The following EIF4H variants were observed in gnomAD, a reference collection of about 807,000 sequenced individuals.
EIF4H encodes the protein eukaryotic translation initiation factor 4H, also known as Williams-Beuren syndrome chromosome region 1.
Under a neutral mutation model 30.6 loss-of-function variants are expected in EIF4H, and 8 were observed. The observed-to-expected ratio is 0.26, with a 90% CI of 0.15 to 0.47. EIF4H has a LOEUF of 0.47. EIF4H is among the 20% of genes least tolerant of loss of function. EIF4H has a pLI of 0.99. For missense variants in EIF4H, 188 were observed against 339.5 expected, an observed-to-expected ratio of 0.55 and a Z score of 3.51; for synonymous variants, 106 against 122.7, an observed-to-expected ratio of 0.86 and a Z score of 0.90.
At position 74,184,133 on chromosome 7, in the gene EIF4H, GTGC is replaced by G. The variant is rs1563950255; in HGVS notation, c.60-3477_60-3475del. 4.6e-5 allele frequency among the ~76,000 whole-genome samples: 7 copies of G among 152,218 alleles called. No homozygotes were observed. In the East Asian group the frequency reaches 1.4e-3, roughly 29 times the overall value. The stretch of plus-strand genomic sequence containing the variant: ...CTGTTAGGTGCTGCCATTTGGTAAC[GTGC>G]CAACTTTTCAAAAATGGTTTGCCCC... On this transcript the variant is annotated intron_variant, in intron 1 of 6. Coordinates refer to ENST00000265753, the MANE Select transcript of EIF4H (RefSeq NM_022170.2).
intron 1 of EIF4H, 22 bp downstream of exon 1, chr7:74,174,464 C>G: frequency 7.1e-7 from 1 of 1,410,622 alleles, no homozygotes; most frequent in Non-Finnish European, 9.4e-7. Context: ...GTGCGCGGGC[C>G]CCGTCGGGGG....
chr7:74,189,613 C>T (rs1554709596), intron 2 of EIF4H, 60 bp from the exon 3 acceptor site: 4 of 1,590,916 alleles, frequency 2.5e-6, no homozygotes, highest in African/African-American at 1.3e-5. Flanking sequence ...TGAATAGGAT[C>T]TTCCCACATC....
chr7:74,190,329 C>T (rs1258199250), intron 5 of EIF4H, 23 bp downstream of exon 5: 14 of 1,611,904 alleles, frequency 8.7e-6, no homozygotes, highest in Non-Finnish European at 1.2e-5. Context: ...AAAGTATCAC[C>T]ACTTAATTTT....
intron 1 of EIF4H, among the ~76,000 whole-genome samples, chr7:74,181,743 C>CT (rs36044860): frequency 0.31 from 46,193 of 149,068 alleles, 7,375 homozygotes; most frequent in African/African-American, 0.38. Flanking sequence ...CGAGCCCGGC[C>CT]TTTTTTTTTG....
chr7:74,190,290 G>A lies in EIF4H; in HGVS notation c.453G>A (p.Arg151=). 1 of 1,614,144 alleles carries A rather than the reference G, an allele frequency of 6.2e-7. No homozygotes were observed. Among genetic ancestry groups the A allele is most frequent in the Non-Finnish European group, 8.5e-7 (1 of 1,180,014 alleles). The change falls in exon 5 of 7, where the codon CGG becomes CGA. Residue 151 remains arginine (R), a synonymous_variant. Coordinates refer to ENST00000265753, the MANE Select transcript of EIF4H (RefSeq NM_022170.2). ...SRESRGGWDS[R]DDFNSGFRDD... ...AATCTAGAGGTGGATGGGATTCCCG[G>A]GATGACTTCAATTCTGGTATCAGTA...
intron 2 of EIF4H, among the ~76,000 whole-genome samples, chr7:74,189,158 C>T (rs1554709550): frequency 1.3e-5 from 2 of 152,164 alleles, no homozygotes; most frequent in African/African-American, 4.8e-5. Context: ...TACTTGGACC[C>T]AGGCTGCCTG....
intron 4 of EIF4H, 134 bp downstream of exon 4, chr7:74,190,052 G>T: frequency 8.2e-7 from 1 of 1,217,328 alleles, no homozygotes; most frequent in Non-Finnish European, 1.1e-6. Context: ...AAAAGTTTGC[G>T]TAAAATCCTA....
At chr7:74,184,497 T>C (rs75876440) in intron 1 of EIF4H, among the ~76,000 whole-genome samples, 9,589 of 152,196 alleles carry the variant, frequency 0.063, 984 homozygotes, top group African/African-American at 0.21. Context: ...GTTTTATACG[T>C]CCCACACAAC....
intron 2 of EIF4H, among the ~76,000 whole-genome samples, chr7:74,188,721 C>G (rs1181675901): frequency 6.6e-6 from 1 of 152,080 alleles, no homozygotes; most frequent in Non-Finnish European, 1.5e-5. Flanking sequence ...CTGGGTCAGT[C>G]GCTGCAGGCT....
chr7:74,190,925 T>C (rs782657303), intron 5 of EIF4H, among the ~76,000 whole-genome samples: 33 of 152,128 alleles, frequency 2.2e-4, no homozygotes, highest in Non-Finnish European at 4.9e-4. Context: ...TTTTTATATA[T>C]GCACATGATA....
At chr7:74,175,046 C>G (rs568649008) in intron 1 of EIF4H, among the ~76,000 whole-genome samples, 2 of 152,340 alleles carry the variant, frequency 1.3e-5, no homozygotes, top group South Asian at 4.1e-4. Context: ...ATCGTAGCTT[C>G]TTTGTATTAA....
intron 1 of EIF4H, among the ~76,000 whole-genome samples, chr7:74,178,295 A>G (rs1800884335): frequency 6.6e-6 from 1 of 152,126 alleles, no homozygotes; most frequent in Non-Finnish European, 1.5e-5. Context: ...CATGCCTGTT[A>G]TCCCAGCACT....
At chr7:74,191,736 AT>A (rs1554709988) in intron 5 of EIF4H, among the ~76,000 whole-genome samples, 15 of 152,112 alleles carry the variant, frequency 9.9e-5, no homozygotes, top group Non-Finnish European at 2.9e-5. Context: ...AACTCTGAAG[AT>A]TCTCATGAAT....
intron 2 of EIF4H, among the ~76,000 whole-genome samples, chr7:74,188,423 G>A (rs1554709452): frequency 1.3e-5 from 2 of 152,198 alleles, no homozygotes; most frequent in Non-Finnish European, 2.9e-5. Context: ...CACGATGCTA[G>A]GACCCAGGAT....
rs1554710764 is a variant in EIF4H, at chr7:74,196,258, C to T, written c.*950C>T. On this transcript the variant is annotated 3_prime_UTR_variant, in exon 7 of 7. Coordinates refer to ENST00000265753, the MANE Select transcript of EIF4H (RefSeq NM_022170.2). ...CAGCGTTTCCCCCCATCCCTGTTGC[C>T]TGTGTGTTGTGTGGATCTGTTCCTA... 2 of 152,762 alleles carry T rather than the reference C, an allele frequency of 1.3e-5. No homozygotes were observed. Among genetic ancestry groups the T allele is most frequent in the Non-Finnish European group, 2.9e-5 (2 of 68,170 alleles). 9.5% of individuals were successfully genotyped at this position (152,762 alleles called of 1,614,324 possible).
chr7:74,179,109 C>T (rs1414348817), intron 1 of EIF4H, among the ~76,000 whole-genome samples: 2 of 152,214 alleles, frequency 1.3e-5, no homozygotes, highest in African/African-American at 4.8e-5. Context: ...GCTGGATTCT[C>T]ATACCTGCAT....
At chr7:74,184,288 G>C (rs1444865164) in intron 1 of EIF4H, among the ~76,000 whole-genome samples, 1 of 152,084 alleles carries the variant, frequency 6.6e-6, no homozygotes, top group East Asian at 1.9e-4. Context: ...GTCAAGTCTG[G>C]CCTGATCTCA....
At chr7:74,194,928 A>G (rs1801307544) in intron 6 of EIF4H, 50 bp downstream of exon 6, 4 of 1,556,798 alleles carry the variant, frequency 2.6e-6, no homozygotes, top group African/African-American at 1.4e-5. Flanking sequence ...TGGGATGATC[A>G]TGGCCGGTTC....
At chr7:74,185,961 C>T (rs1001028714) in intron 1 of EIF4H, among the ~76,000 whole-genome samples, 19 of 151,832 alleles carry the variant, frequency 1.3e-4, no homozygotes, top group African/African-American at 4.4e-4. Context: ...GTTTTCCAAA[C>T]GTTTTATTTT....
Sources: gnomAD v4.1 joint callset for allele counts (sites outside exome capture counted in the v4.1 genomes callset) on GRCh38, gnomAD v4.1.1 for gene constraint, MANE v1.5 for transcripts, NCBI Gene and HGNC (gene_info 2026-07-23, HGNC 2026-07-21) for gene names.